PDE4B: variants seen among roughly 807,000 people sequenced by gnomAD.
The protein encoded by PDE4B is phosphodiesterase 4B.
A neutral mutation model predicts 82.2 loss-of-function variants in PDE4B; 20 were observed. The observed-to-expected ratio is 0.24, with a 90% CI of 0.17 to 0.35. The LOEUF (loss-of-function observed/expected upper bound fraction) is 0.35, where lower values mean the gene tolerates loss of function less well. PDE4B is among the 10% of genes least tolerant of loss of function. The pLI, the probability that PDE4B is intolerant of heterozygous loss-of-function variation, is 1.00. For missense variants in PDE4B, 655 were observed against 907.2 expected (o/e 0.72, Z 3.57); for synonymous variants, 320 against 318.9 (o/e 1.00, Z -0.04).
At chr1:65,913,475 T>C (rs1179231020) in intron 2 of PDE4B, 119 bp downstream of exon 2, 1 of 920,918 alleles carries the variant, frequency 1.1e-6, no homozygotes, top group East Asian at 2.5e-5. Flanking sequence ...GGTGTTTCTA[T>C]GACATGGGCA....
intron 3 of PDE4B, among the ~76,000 whole-genome samples, chr1:65,936,653 C>T (rs986935053): frequency 7.2e-5 from 11 of 152,142 alleles, no homozygotes; most frequent in African/African-American, 2.4e-5. Flanking sequence ...TAGGACCTAA[C>T]ATTTTGTGTG....
intron 3 of PDE4B, among the ~76,000 whole-genome samples, chr1:66,177,804 A>G (rs976644295): frequency 1.3e-5 from 2 of 152,218 alleles, no homozygotes; most frequent in African/African-American, 4.8e-5. Flanking sequence ...AATGCCCTGA[A>G]GCCTTTCCTA....
chr1:65,886,087 G>T (rs1450715779), intron 1 of PDE4B, among the ~76,000 whole-genome samples: 1 of 150,864 alleles, frequency 6.6e-6, no homozygotes, highest in Non-Finnish European at 1.5e-5. Context: ...CATCATTTTT[G>T]AATATTAATT....
At chr1:66,131,344 A>G (rs1384795069) in intron 3 of PDE4B, among the ~76,000 whole-genome samples, 1 of 151,888 alleles carries the variant, frequency 6.6e-6, no homozygotes, top group African/African-American at 2.4e-5. Context: ...TGACCTTATT[A>G]TTTCCAATAT....
In PDE4B at chr1:66,159,397, G is replaced by A. The variant is rs528461917; in HGVS notation, c.282-88063G>A. The stretch of plus-strand genomic sequence containing the variant: ...GGGACTACAGGTGGTGTGCCACCAC[G>A]CCCAGCTATTTTTTTTTTTTTTGTA... On this transcript the variant is annotated intron_variant, in intron 3 of 16. Transcript: ENST00000341517. 2.1e-4 allele frequency among the ~76,000 whole-genome samples: 32 copies of A among 150,748 alleles called. No individual in the cohort carries two copies. The South Asian group carries it at 3.4e-3, about 16-fold the overall frequency.
At chr1:65,987,376 C>T (rs1227404740) in intron 3 of PDE4B, among the ~76,000 whole-genome samples, 1 of 152,082 alleles carries the variant, frequency 6.6e-6, no homozygotes, top group African/African-American at 2.4e-5. Flanking sequence ...AGATATCATG[C>T]TAGATAACTT....
chr1:66,245,792 C>A (rs971972120), intron 3 of PDE4B, among the ~76,000 whole-genome samples: 1 of 152,202 alleles, frequency 6.6e-6, no homozygotes, highest in Non-Finnish European at 1.5e-5. Flanking sequence ...TTATCATTTT[C>A]TGCTTCTTAT....
At chr1:66,154,449 G>A (rs1399425753) in intron 3 of PDE4B, among the ~76,000 whole-genome samples, 5 of 152,212 alleles carry the variant, frequency 3.3e-5, no homozygotes. Context: ...AAAGAGAAGA[G>A]AAGAGAGATA....
intron 3 of PDE4B, among the ~76,000 whole-genome samples, chr1:66,076,373 C>A (rs1380669956): frequency 3.3e-5 from 5 of 152,120 alleles, no homozygotes. Context: ...TTTTTGATGG[C>A]TGCATAATTT....
chr1:65,793,510 G>T (rs1645597445), intron 1 of PDE4B, among the ~76,000 whole-genome samples: 1 of 152,200 alleles, frequency 6.6e-6, no homozygotes. Flanking sequence ...CACTGGGGAG[G>T]AGAGGATGGA....
chr1:66,035,186 T>A (rs912436325), intron 3 of PDE4B, among the ~76,000 whole-genome samples: 2 of 152,244 alleles, frequency 1.3e-5, no homozygotes, highest in African/African-American at 4.8e-5. Context: ...CACCATTTTT[T>A]AATTAATTTT....
At chr1:66,237,502 A>G (rs926421878) in intron 3 of PDE4B, among the ~76,000 whole-genome samples, 6 of 152,202 alleles carry the variant, frequency 3.9e-5, no homozygotes, top group Non-Finnish European at 7.3e-5. Flanking sequence ...TGCACCCTTG[A>G]TGTGCACCTC....
Position 66,153,347 on chromosome 1 carries a change from G to A in PDE4B, c.282-94113G>A, listed in dbSNP as rs115215814. ...TTGGCTGCTTTCTGGTTTAAATATCGTCTCTTCCTCTCTTGAACCCCCAAC... is the reference window on the plus strand; with the variant it reads ...TTGGCTGCTTTCTGGTTTAAATATCATCTCTTCCTCTCTTGAACCCCCAAC... On this transcript the variant is annotated intron_variant, in intron 3 of 16. Coordinates refer to ENST00000341517, the MANE Select transcript of PDE4B (RefSeq NM_002600.4). 6.8e-3 allele frequency among the ~76,000 whole-genome samples: 1,036 copies of A among 152,094 alleles called. 17 individuals are homozygous for A. Among genetic ancestry groups the A allele is most frequent in the African/African-American group, 0.024 (985 of 41,472 alleles).
At chr1:65,809,703 A>G (rs1645797993) in intron 1 of PDE4B, among the ~76,000 whole-genome samples, 1 of 152,216 alleles carries the variant, frequency 6.6e-6, no homozygotes, top group Non-Finnish European at 1.5e-5. Context: ...GTTGAAATTT[A>G]AACTGCACTT....
chr1:66,298,405 A>G (rs1657660031), intron 7 of PDE4B, among the ~76,000 whole-genome samples: 1 of 152,146 alleles, frequency 6.6e-6, no homozygotes, highest in African/African-American at 2.4e-5. Flanking sequence ...CTGTCTGGAA[A>G]AGAGAAGGGT....
intron 1 of PDE4B, among the ~76,000 whole-genome samples, chr1:65,875,137 G>A (rs1007994358): frequency 6.6e-5 from 10 of 151,978 alleles, no homozygotes; most frequent in South Asian, 2.1e-4. Context: ...AAAAGTGGGC[G>A]AAGGACATGA....
At chr1:66,336,867 C>CTAAT in intron 8 of PDE4B, among the ~76,000 whole-genome samples, 1 of 152,302 alleles carries the variant, frequency 6.6e-6, no homozygotes, top group African/African-American at 2.4e-5. Context: ...ACAAAGGCAA[C>CTAAT]TAATTGCCAG....
chr1:66,218,759 A>T lies in PDE4B; in HGVS notation c.282-28701A>T, dbSNP rs530637247. 2.0e-4 allele frequency among the ~76,000 whole-genome samples: 30 copies of T among 152,106 alleles called. No homozygotes were observed. The South Asian group carries it at 2.1e-3, about 11-fold the overall frequency. On this transcript the variant is annotated intron_variant, in intron 3 of 16. Transcript: ENST00000341517. ...TAGACTACAGTTCCTGAGAGCAGAG[A>T]TGATATTTATTCATTTTAGCACTCT...
At chr1:66,142,419 A>G (rs1197147365) in intron 3 of PDE4B, among the ~76,000 whole-genome samples, 1 of 152,216 alleles carries the variant, frequency 6.6e-6, no homozygotes, top group Non-Finnish European at 1.5e-5. Context: ...CCAAGAATTC[A>G]GTATGCAAAT....
Sources: allele counts gnomAD v4.1 joint callset (sites outside exome capture counted in the v4.1 genomes callset), GRCh38; gene constraint gnomAD v4.1.1; transcripts MANE v1.5; gene names NCBI Gene and HGNC (gene_info 2026-07-23, HGNC 2026-07-21).